The following GMPS variants were observed in gnomAD, a reference collection of about 807,000 sequenced individuals.
GMPS encodes GMP synthase [glutamine-hydrolyzing].
In GMPS, 15 loss-of-function variants were observed where a neutral mutation model predicts 77.9. The observed-to-expected ratio is 0.19, with a 90% CI of 0.13 to 0.30. The LOEUF is 0.30. Among genes scored for constraint, GMPS ranks in the 10% least tolerant of loss-of-function variants. The pLI is 1.00. For missense variants in GMPS, 590 were observed against 838.8 expected, an observed-to-expected ratio of 0.70 and a Z score of 3.66; for synonymous variants, 224 against 275.9, an observed-to-expected ratio of 0.81 and a Z score of 1.86.
chr3:155,881,070 A>T (rs1338267607), intron 1 of GMPS, among the ~76,000 whole-genome samples: 1 of 150,956 alleles, frequency 6.6e-6, no homozygotes, highest in African/African-American at 2.4e-5. Context: ...AAAATATGTT[A>T]TTAATATTTA....
At position 155,935,110 on chromosome 3, in the gene GMPS, AG is replaced by A. The variant is rs1430178760; in HGVS notation, c.1807+65del. ...TAGTTTTTGGAAGCTTGATATTAAG[AG>A]TAGGAGGATGTGGCTTTTGCTTTTT... On this transcript the variant is annotated intron_variant, in intron 14 of 15. Coordinates refer to ENST00000496455, the MANE Select transcript of GMPS (RefSeq NM_003875.3). The A allele has an allele frequency of 6.3e-6, 7 of 1,106,566 alleles. No individual in the cohort carries two copies. The Admixed American group carries it at 1.3e-4, about 21-fold the overall frequency. The allele number at this position is 1,106,566 out of a possible 1,614,324, so 68.5% of individuals were successfully genotyped here.
intron 13 of GMPS, among the ~76,000 whole-genome samples, chr3:155,934,001 G>A (rs1755697436): frequency 6.6e-6 from 1 of 152,140 alleles, no homozygotes; most frequent in East Asian, 1.9e-4. Flanking sequence ...TTGGAAGGAA[G>A]TAGTAGGATA....
chr3:155,917,727 G>A (rs560504531), intron 9 of GMPS, among the ~76,000 whole-genome samples: 18 of 152,108 alleles, frequency 1.2e-4, no homozygotes, highest in African/African-American at 4.1e-4. Context: ...ACAAAAATTA[G>A]CCAGGCGTGA....
chr3:155,886,644 A>G (rs142635092), intron 1 of GMPS, among the ~76,000 whole-genome samples: 5,471 of 111,598 alleles, frequency 0.049, 185 homozygotes, highest in East Asian at 0.17. Flanking sequence ...TTTTTGACAC[A>G]GAGTCTTGCT....
In GMPS at chr3:155,942,874, C is replaced by T. The variant is rs1487970296; in HGVS notation, c.*5182C>T. On this transcript the variant is annotated 3_prime_UTR_variant, in exon 16 of 16. Transcript: ENST00000496455. ...TATTCTTTAGAGAACTAGAGATTAC[C>T]TAGCTGCAACCTAAGTTTCCTGAAT... 2.0e-5 allele frequency: 4 copies of T among 204,798 alleles called. No homozygotes were observed. Among genetic ancestry groups the T allele is most frequent in the Non-Finnish European group, 3.0e-5 (3 of 100,134 alleles). 12.7% of individuals were successfully genotyped at this position (204,798 alleles called of 1,614,324 possible).
intron 1 of GMPS, among the ~76,000 whole-genome samples, chr3:155,889,926 T>C (rs1754423431): frequency 1.3e-5 from 2 of 152,244 alleles, no homozygotes; most frequent in Admixed American, 1.3e-4. Flanking sequence ...TTCTATCTTG[T>C]GATGCTGAAT....
At chr3:155,911,371 T>C (rs1755034243) in intron 7 of GMPS, 92 bp downstream of exon 7, 2 of 704,354 alleles carry the variant, frequency 2.8e-6, no homozygotes, top group African/African-American at 3.6e-5. Context: ...ATTACAGTTT[T>C]CTCAGTATGC....
At chr3:155,888,134 A>G (rs1754378911) in intron 1 of GMPS, among the ~76,000 whole-genome samples, 1 of 151,472 alleles carries the variant, frequency 6.6e-6, no homozygotes, top group African/African-American at 2.4e-5. Flanking sequence ...CTAGTCTCCA[A>G]TTCCTGGGCT....
Position 155,870,826 on chromosome 3 carries a change from TCTCGTACTGTCGCCGTCACCGCCGCGG to T in GMPS, c.-41_-15del. On this transcript the variant is annotated 5_prime_UTR_variant, in exon 1 of 16. Coordinates refer to ENST00000496455, the MANE Select transcript of GMPS (RefSeq NM_003875.3). ...ACCCTTCCGGCACCCTCCCGCCCCG[TCTCGTACTGTCGCCGTCACCGCCGCGG>T]CTCCGGCCCTGGCCCCGATGGCTCT... 7.5e-7 allele frequency: 1 copy of T among 1,329,936 alleles called. No homozygotes were observed. Among genetic ancestry groups the T allele is most frequent in the Non-Finnish European group, 1.0e-6 (1 of 973,120 alleles). 82.4% of individuals were successfully genotyped at this position (1,329,936 alleles called of 1,614,324 possible). A position where few individuals can be genotyped will look rare whatever the true frequency, so the allele number is the denominator to read the frequency against.
chr3:155,923,723 AATG>A (rs1380149253), intron 11 of GMPS, among the ~76,000 whole-genome samples: 1 of 152,230 alleles, frequency 6.6e-6, no homozygotes, highest in Admixed American at 6.5e-5. Context: ...AACTAAAGGC[AATG>A]ATTTTCAACC....
At position 155,910,777 on chromosome 3, in the gene GMPS, G is replaced by A. The variant is rs1169322798; in HGVS notation, c.612G>A (p.Lys204=). ...CAGAAAATGGAAAAGTAATACTGAA[G>A]AATTTCCTTTATGATATAGCTGGAT... ...GLTENGKVIL[K]NFLYDIAGCS... Residue 204 remains lysine (K), a synonymous_variant, in exon 6 of 16, where the codon AAG becomes AAA. Coordinates refer to ENST00000496455, the MANE Select transcript of GMPS (RefSeq NM_003875.3). The A allele has an allele frequency of 1.2e-6, 2 of 1,610,714 alleles. No homozygotes were observed. The highest frequency in any genetic ancestry group is 1.7e-6 in the Non-Finnish European group (2 of 1,177,314).
At chr3:155,891,503 A>G (rs370549544) in intron 1 of GMPS, among the ~76,000 whole-genome samples, 1 of 151,904 alleles carries the variant, frequency 6.6e-6, no homozygotes, top group South Asian at 2.1e-4. Flanking sequence ...GAATATTCAT[A>G]TGACCAGAAC....
intron 1 of GMPS, among the ~76,000 whole-genome samples, chr3:155,878,469 A>G (rs920443144): frequency 2.6e-5 from 4 of 152,162 alleles, no homozygotes; most frequent in Non-Finnish European, 4.4e-5. Context: ...ACATTTCTGT[A>G]TAAGTTTTTA....
chr3:155,899,454 T>G (rs552185763), intron 3 of GMPS, among the ~76,000 whole-genome samples: 3 of 151,744 alleles, frequency 2.0e-5, no homozygotes, highest in East Asian at 3.8e-4. Context: ...TCAATTACTT[T>G]GTTTTTAGAG....
At chr3:155,885,579 A>G (rs1754317308) in intron 1 of GMPS, among the ~76,000 whole-genome samples, 1 of 152,192 alleles carries the variant, frequency 6.6e-6, no homozygotes, top group Non-Finnish European at 1.5e-5. Flanking sequence ...CATTTTATAC[A>G]TTTGTTACCT....
At chr3:155,923,770 T>G (rs759262160) in intron 11 of GMPS, among the ~76,000 whole-genome samples, 10 of 152,230 alleles carry the variant, frequency 6.6e-5, no homozygotes, top group Non-Finnish European at 1.0e-4. Flanking sequence ...GGGGAAGCTT[T>G]TGAAGTATAC....
At chr3:155,912,217 T>A (rs77655577) in intron 7 of GMPS, among the ~76,000 whole-genome samples, 1 of 152,206 alleles carries the variant, frequency 6.6e-6, no homozygotes, top group Admixed American at 6.5e-5. Flanking sequence ...GAGTCTATTT[T>A]TTTGAAACTT....
At chr3:155,902,729 G>A (rs866719444) in intron 3 of GMPS, among the ~76,000 whole-genome samples, 12 of 152,192 alleles carry the variant, frequency 7.9e-5, no homozygotes, top group African/African-American at 2.4e-4. Flanking sequence ...TATTGTAGTA[G>A]CTAACATTGG....
At chr3:155,878,176 G>A (rs1334243902) in intron 1 of GMPS, among the ~76,000 whole-genome samples, 1 of 152,134 alleles carries the variant, frequency 6.6e-6, no homozygotes, top group Non-Finnish European at 1.5e-5. Context: ...TATCACATTG[G>A]TGATTAGGTT....
Sources: gnomAD v4.1 joint callset for allele counts (sites outside exome capture counted in the v4.1 genomes callset) on GRCh38, gnomAD v4.1.1 for gene constraint, MANE v1.5 for transcripts, NCBI Gene and HGNC (gene_info 2026-07-23, HGNC 2026-07-21) for gene names.